Variants in SHOX observed in about 807,000 individuals in gnomAD.
The protein encoded by SHOX is short stature homeobox protein.
Under a neutral mutation model 29.6 loss-of-function variants are expected in SHOX, and 12 were observed. The ratio of observed to expected loss-of-function variants is 0.41; its 90% CI spans 0.26 to 0.66. SHOX has a LOEUF of 0.66. SHOX is among the 30% of genes least tolerant of loss of function. The pLI is 0.35. For synonymous variants in SHOX, 214 were observed against 200.6 expected (o/e 1.07, Z -0.57); for missense variants, 499 against 437.7 (o/e 1.14, Z -1.25).
downstream of SHOX, among the ~76,000 whole-genome samples, chrX:655,630 A>C (rs1236979890): frequency 1.8e-3 from 82 of 46,418 alleles, no homozygotes; most frequent in East Asian, 8.9e-3. Context: ...ATATATATAT[A>C]TATATATATA....
At chrX:632,166 CG>C (rs1194086838) in intron 1 of SHOX, among the ~76,000 whole-genome samples, 2 of 152,242 alleles carry the variant, frequency 1.3e-5, no homozygotes, top group African/African-American at 4.8e-5. Flanking sequence ...CGAGGGGCCC[CG>C]GGGAAGCTGG....
At position 645,388 on chromosome X, in the gene SHOX, GTAT is replaced by G. The variant is rs1469343152; in HGVS notation, c.*754_*756del. 1.8e-3 allele frequency: 139 copies of G among 77,706 alleles called. 1 individual carries two copies. Among genetic ancestry groups the G allele is most frequent in the African/African-American group, 2.2e-3 (53 of 24,354 alleles). 4.8% of individuals were successfully genotyped at this position (77,706 alleles called of 1,614,324 possible). On this transcript the variant is annotated 3_prime_UTR_variant, in exon 5 of 5. Coordinates refer to ENST00000686671, the MANE Select transcript of SHOX (RefSeq NM_000451.4). Reference sequence around the variant, plus strand: ...TTGGGTCTGGTTTTGTTTTGGATTGGTATTTTTTTTTTTTTTTTTTTTTTTTTT... The same window carrying G: ...TTGGGTCTGGTTTTGTTTTGGATTGGTTTTTTTTTTTTTTTTTTTTTTTTT...
chrX:630,759 C>T, upstream of SHOX: 1 of 1,104,540 alleles, frequency 9.1e-7, no homozygotes, highest in Non-Finnish European at 1.3e-6. Flanking sequence ...GAGGTCGCCG[C>T]GTATAAATAG....
upstream of SHOX, among the ~76,000 whole-genome samples, chrX:626,879 T>C (rs1392377576): frequency 6.6e-6 from 1 of 150,734 alleles, no homozygotes; most frequent in African/African-American, 2.4e-5. Flanking sequence ...TCTTTGTCTC[T>C]CTCCTCTCTG....
At chrX:641,181 C>T in intron 4 of SHOX, 94 bp downstream of exon 4, 1 of 1,185,634 alleles carries the variant, frequency 8.4e-7, no homozygotes. Flanking sequence ...ACTCCTAGTC[C>T]CTCCCTGCCC....
At chrX:629,713 G>A (rs1391669897), upstream of SHOX, among the ~76,000 whole-genome samples, 1 of 152,106 alleles carries the variant, frequency 6.6e-6, no homozygotes, top group African/African-American at 2.4e-5. Context: ...AGGAAGATGC[G>A]CCGTGGGGTT....
downstream of SHOX, among the ~76,000 whole-genome samples, chrX:654,617 A>G (rs562643080): frequency 2.6e-5 from 4 of 152,304 alleles, no homozygotes; most frequent in South Asian, 8.3e-4. Context: ...AAAGTCAAAT[A>G]ATTAGGCAGG....
upstream of SHOX, among the ~76,000 whole-genome samples, chrX:626,190 G>A (rs1164888317): frequency 4.1e-5 from 4 of 96,554 alleles, no homozygotes; most frequent in African/African-American, 1.5e-4. Context: ...CTCTGTCTTC[G>A]TTCCTCTCTC....
chrX:635,237 T>C (rs2124167762), intron 2 of SHOX, among the ~76,000 whole-genome samples: 1 of 152,228 alleles, frequency 6.6e-6, no homozygotes, highest in Non-Finnish European at 1.5e-5. Flanking sequence ...AAACTTTCCC[T>C]GGATTATACT....
chrX:628,917 TTCTCTCTCTC>T (rs1360394093), upstream of SHOX, among the ~76,000 whole-genome samples: 95 of 19,992 alleles, frequency 4.8e-3, 14 homozygotes, highest in Admixed American at 8.0e-3. Flanking sequence ...GTCTCTCCCT[TTCTCTCTCTC>T]TGTCTCTCCC....
At chrX:638,869 T>C (rs2052802214) in intron 2 of SHOX, among the ~76,000 whole-genome samples, 1 of 152,234 alleles carries the variant, frequency 6.6e-6, no homozygotes, top group African/African-American at 2.4e-5. Context: ...ACGCCTGTTC[T>C]CTGGACGAAT....
rs1344216718 is a variant in SHOX at position 636,962 on chromosome X, A to G, written c.486+2136A>G. On this transcript the variant is annotated intron_variant, in intron 2 of 4. Coordinates refer to ENST00000686671, the MANE Select transcript of SHOX (RefSeq NM_000451.4). ...TTCATTTAAAAATATATATATATAT[A>G]TATATATATTTTGGCTCCTGATTCT... Among the ~76,000 whole-genome samples, 13 of 143,002 alleles carry G rather than the reference A, an allele frequency of 9.1e-5. 1 individual carries two copies. The highest frequency in any genetic ancestry group is 2.9e-4 in the African/African-American group (11 of 37,800). 93.8% of individuals were successfully genotyped at this position (143,002 alleles called of 152,430 possible).
chrX:651,373 C>T lies in SHOX; in HGVS notation c.*6737C>T, dbSNP rs1238538034. 2.2e-6 allele frequency: 1 copy of T among 453,876 alleles called. No individual in the cohort carries two copies. Among genetic ancestry groups the T allele is most frequent in the Non-Finnish European group, 4.4e-6 (1 of 226,406 alleles). 28.1% of individuals were successfully genotyped at this position (453,876 alleles called of 1,614,324 possible). A position where few individuals can be genotyped will look rare whatever the true frequency, so the allele number is the denominator to read the frequency against. On this transcript the variant is annotated 3_prime_UTR_variant, in exon 5 of 5. Transcript: ENST00000686671. ...ATTTCTATCCCTCTGTTATTGTCGG[C>T]AGGCGGTGAGGGGTAGAAAAAAAAC...
At chrX:625,623 C>A (rs1478399322) in intron 1 of SHOX, among the ~76,000 whole-genome samples, 1 of 150,756 alleles carries the variant, frequency 6.6e-6, no homozygotes, top group Non-Finnish European at 1.5e-5. Context: ...TTCTCTGTCT[C>A]TGTCTGTATC....
rs930135576 is a variant in SHOX, at chrX:651,209, G to C, written c.*6573G>C. On this transcript the variant is annotated 3_prime_UTR_variant, in exon 5 of 5. Coordinates refer to ENST00000686671, the MANE Select transcript of SHOX (RefSeq NM_000451.4). ...ATTTATTTTTATATTTCTGAAAACT[G>C]TTGCTTTTTCTTTTTCCCTCCCCCA... 1.9e-4 allele frequency: 80 copies of C among 429,502 alleles called. No individual in the cohort carries two copies. The highest frequency in any genetic ancestry group is 2.3e-4 in the Non-Finnish European group (50 of 213,286). The allele number at this position is 429,502 out of a possible 1,614,324, so 26.6% of individuals were successfully genotyped here.
chrX:644,547 G>T lies in SHOX; in HGVS notation c.790G>T (p.Ala264Ser), dbSNP rs1292719934. 4 of 1,517,396 alleles carry T rather than the reference G, an allele frequency of 2.6e-6. No homozygotes were observed. In the South Asian group the frequency reaches 3.7e-5, roughly 14 times the overall value. The allele number at this position is 1,517,396 out of a possible 1,614,324, so 94.0% of individuals were successfully genotyped here. A position where few individuals can be genotyped will look rare whatever the true frequency, so the allele number is the denominator to read the frequency against. The part of the protein sequence containing the change: ...AESASAAAVV[A>S]AAAKSNSKNS... ...GTCCGCCTCGGCCGCCGCCGTGGTCGCCGCCGCCGCCAAAAGCAACAGCAA... is the reference window on the plus strand; with the variant it reads ...GTCCGCCTCGGCCGCCGCCGTGGTCTCCGCCGCCGCCAAAAGCAACAGCAA... The change falls in exon 5 of 5, where the codon GCC (alanine) becomes TCC (serine). Residue 264 changes from alanine to serine, a missense_variant. Ala to Ser is a moderately conservative substitution (Grantham distance 99). Transcript: ENST00000686671.
At chrX:627,747 G>C (rs888352429), upstream of SHOX, among the ~76,000 whole-genome samples, 9 of 152,116 alleles carry the variant, frequency 5.9e-5, no homozygotes, top group Admixed American at 5.2e-4. Flanking sequence ...TTTCCTACTA[G>C]ACAAAGGGGT....
intron 2 of SHOX, among the ~76,000 whole-genome samples, chrX:635,510 C>T (rs980934): frequency 0.23 from 35,581 of 151,998 alleles, 5,266 homozygotes; most frequent in East Asian, 0.54. Context: ...CAAACCACCC[C>T]CTCCTCCCTC....
chrX:626,876 C>G (rs897898578), upstream of SHOX, among the ~76,000 whole-genome samples: 2 of 150,644 alleles, frequency 1.3e-5, no homozygotes, highest in East Asian at 2.0e-4. Flanking sequence ...CTCTCTTTGT[C>G]TCTCTCCTCT....
Sources: allele counts gnomAD v4.1 joint callset (sites outside exome capture counted in the v4.1 genomes callset), GRCh38; gene constraint gnomAD v4.1.1; transcripts MANE v1.5; gene names NCBI Gene and HGNC (gene_info 2026-07-23, HGNC 2026-07-21).